The following DOP1B variants were observed in gnomAD, a reference collection of about 807,000 sequenced individuals.
DOP1B encodes DOP1 leucine zipper like protein B.
Under a neutral mutation model 233.5 loss-of-function variants are expected in DOP1B, and 174 were observed. That is an observed-to-expected ratio of 0.75 (90% CI 0.66 to 0.85). The LOEUF (loss-of-function observed/expected upper bound fraction) is 0.85. Ranked by LOEUF, DOP1B falls within the 40% of genes least tolerant of loss-of-function variation. The pLI is 0.00. For missense variants in DOP1B, 2,652 were observed against 2,846.6 expected (o/e 0.93, Z 1.56); for synonymous variants, 1,190 against 1,185.6 (o/e 1.00, Z -0.08).
chr21:36,169,795 G>A (rs900734158), intron 2 of DOP1B: 6 of 1,248,436 alleles, frequency 4.8e-6, no homozygotes, highest in Non-Finnish European at 7.1e-6. Context: ...CTTGGTAAAG[G>A]CCTTCTTCCT....
At chr21:36,280,024 C>G (rs1028420410) in intron 30 of DOP1B, among the ~76,000 whole-genome samples, 1 of 152,094 alleles carries the variant, frequency 6.6e-6, no homozygotes, top group East Asian at 1.9e-4. Context: ...TACAGGCATG[C>G]GCCACCACGC....
chr21:36,200,880 T>C (rs1209395597), intron 4 of DOP1B, among the ~76,000 whole-genome samples: 2 of 150,700 alleles, frequency 1.3e-5, no homozygotes, highest in Admixed American at 6.6e-5. Context: ...TGCAGAGACA[T>C]GGGAAGCAGC....
At chr21:36,201,590 C>T (rs562774523) in intron 4 of DOP1B, among the ~76,000 whole-genome samples, 163 of 151,914 alleles carry the variant, frequency 1.1e-3, no homozygotes, top group African/African-American at 3.5e-3. Context: ...TCAAGTGATC[C>T]GCCCACCTCA....
intron 2 of DOP1B, among the ~76,000 whole-genome samples, chr21:36,198,265 T>A (rs556750944): frequency 6.6e-6 from 1 of 151,456 alleles, no homozygotes; most frequent in South Asian, 2.1e-4. Context: ...CTTTCTCTAC[T>A]AAAAATACAA....
chr21:36,218,815 A>G (rs999173717), intron 9 of DOP1B, among the ~76,000 whole-genome samples: 1 of 152,208 alleles, frequency 6.6e-6, no homozygotes, highest in African/African-American at 2.4e-5. Context: ...CTTCTCTAAC[A>G]TGCAGCTGGT....
rs2067054425 is a variant in DOP1B, at chr21:36,253,440, G to A, written c.5122-332G>A. Among the ~76,000 whole-genome samples, 3 of 152,286 alleles carry A rather than the reference G, an allele frequency of 2.0e-5. No individual in the cohort carries two copies. The South Asian group carries it at 6.2e-4, about 32-fold the overall frequency. Reference sequence around the variant, plus strand: ...AAGAGATTAAAACAGGCCGGGCGCGGTGGCGGCTCATGCCTGTAATCCCAG... The same window carrying A: ...AAGAGATTAAAACAGGCCGGGCGCGATGGCGGCTCATGCCTGTAATCCCAG... On this transcript the variant is annotated intron_variant, in intron 22 of 36. Transcript: ENST00000691173.
At chr21:36,203,700 A>T (rs2066397557) in intron 4 of DOP1B, among the ~76,000 whole-genome samples, 1 of 151,842 alleles carries the variant, frequency 6.6e-6, no homozygotes, top group Non-Finnish European at 1.5e-5. Context: ...AGTTAGGTTG[A>T]GCTGGTGAAG....
intron 2 of DOP1B, among the ~76,000 whole-genome samples, chr21:36,174,930 C>T (rs2066007132): frequency 6.6e-6 from 1 of 152,184 alleles, no homozygotes; most frequent in Admixed American, 6.5e-5. Flanking sequence ...ATACCACTGG[C>T]AGAGTGGATT....
At position 36,219,571 on chromosome 21, in the gene DOP1B, A is replaced by G. The variant is rs1182574396; in HGVS notation, c.1250+79A>G. 10 of 1,565,626 alleles carry G rather than the reference A, an allele frequency of 6.4e-6. No homozygotes were observed. The African/African-American group carries it at 1.2e-4, about 19-fold the overall frequency. On this transcript the variant is annotated intron_variant, in intron 10 of 36. Coordinates refer to ENST00000691173, the MANE Select transcript of DOP1B (RefSeq NM_001320714.2). ...TTTTTTTTTTCCTCTCTTGCTTACT[A>G]TAAATTGTGAAGTGGTAGAGAAAGC...
rs760476475 is a variant in DOP1B at position 36,239,918 on chromosome 21, A to G, written c.3030A>G (p.Arg1010=). Reference sequence around the variant, plus strand: ...TGCTGCTGCAGCCAAAAACCCAGAGAACCTCCATCCACTGCCTCAAGCAGG... The same window carrying G: ...TGCTGCTGCAGCCAAAAACCCAGAGGACCTCCATCCACTGCCTCAAGCAGG... ...LLLLLQPKTQ[R]TSIHCLKQEN... is the part of the protein sequence containing the mutation. Residue 1010 remains arginine, a synonymous_variant, in exon 18 of 37, where the codon AGA becomes AGG. Coordinates refer to ENST00000691173, the MANE Select transcript of DOP1B (RefSeq NM_001320714.2). 2 of 1,610,650 alleles carry G rather than the reference A, an allele frequency of 1.2e-6. No individual in the cohort carries two copies. The highest frequency in any genetic ancestry group is 1.7e-5 in the Admixed American group (1 of 59,822).
chr21:36,193,161 C>T (rs751660961), intron 2 of DOP1B, among the ~76,000 whole-genome samples: 2 of 152,248 alleles, frequency 1.3e-5, no homozygotes, highest in South Asian at 2.1e-4. Flanking sequence ...TCATCCATTG[C>T]GAGGTTCATG....
chr21:36,244,019 C>CTTTTTTTTTTTTTTTTTTT (rs35020490), intron 18 of DOP1B, among the ~76,000 whole-genome samples: 1 of 70,580 alleles, frequency 1.4e-5, no homozygotes, highest in Non-Finnish European at 2.4e-5. Flanking sequence ...TTTTCCTTTC[C>CTTTTTTTTTTTTTTTTTTT]TTTTTTTTTT....
Position 36,293,399 on chromosome 21 carries a change from A to T in DOP1B, c.6725A>T (p.Gln2242Leu). ...CAACATTCTGTTTCCAGCATCAGGC[A>T]GTTGATGCCATTCTTCATGACTCTA... ...LRQHSVSSIR[Q>L]LMPFFMTLNG... The change falls in exon 37 of 37, where the codon CAG (glutamine) becomes CTG (leucine). Residue 2242 changes from glutamine to leucine, a missense_variant. Transcript: ENST00000691173. The T allele has an allele frequency of 6.2e-7, 1 of 1,614,140 alleles. No individual in the cohort carries two copies. Among genetic ancestry groups the T allele is most frequent in the Non-Finnish European group, 8.5e-7 (1 of 1,179,998 alleles).
At chr21:36,251,015 A>G in intron 21 of DOP1B, 147 bp from the exon 22 acceptor site, 1 of 1,094,296 alleles carries the variant, frequency 9.1e-7, no homozygotes. Flanking sequence ...GCTGGGATCC[A>G]CCCATCAGGG....
intron 5 of DOP1B, among the ~76,000 whole-genome samples, chr21:36,209,674 C>T (rs942721236): frequency 6.6e-6 from 1 of 152,166 alleles, no homozygotes; most frequent in Non-Finnish European, 1.5e-5. Flanking sequence ...CCCCAGGTAT[C>T]CATCTCCAGG....
chr21:36,266,401 C>T (rs758109719), intron 26 of DOP1B, among the ~76,000 whole-genome samples: 48 of 152,142 alleles, frequency 3.2e-4, no homozygotes, highest in Non-Finnish European at 5.9e-4. Context: ...GTCTCGAACT[C>T]GTGACCTCGT....
intron 21 of DOP1B, 57 bp downstream of exon 21, chr21:36,248,625 A>T (rs1272987035): frequency 2.0e-6 from 3 of 1,506,014 alleles, no homozygotes; most frequent in South Asian, 2.6e-5. Flanking sequence ...GTTCCACCCA[A>T]AATAAATGTG....
chr21:36,260,472 G>T (rs2067157696), intron 23 of DOP1B, among the ~76,000 whole-genome samples: 1 of 152,094 alleles, frequency 6.6e-6, no homozygotes, highest in Non-Finnish European at 1.5e-5. Flanking sequence ...AAGTCTAAGG[G>T]GATGTGAATG....
At position 36,200,504 on chromosome 21, in the gene DOP1B, G is replaced by A; in HGVS notation, c.491+3G>A. 1 of 1,601,464 alleles carries A rather than the reference G, an allele frequency of 6.2e-7. No homozygotes were observed. ...GAGGGCTCCGAGATCTCCGACAGGT[G>A]CGTGGGCGTCTTGTCCAGGCTGTGT... On this transcript the variant is annotated splice_donor_region_variant and intron_variant, in intron 4 of 36. Transcript: ENST00000691173.
Sources: allele counts gnomAD v4.1 joint callset (sites outside exome capture counted in the v4.1 genomes callset), GRCh38; gene constraint gnomAD v4.1.1; transcripts MANE v1.5; gene names NCBI Gene and HGNC (gene_info 2026-07-23, HGNC 2026-07-21).